KCNIP4: variants seen among roughly 807,000 people sequenced by gnomAD.
The protein encoded by KCNIP4 is potassium voltage-gated channel interacting protein 4.
A neutral mutation model predicts 34.0 loss-of-function variants in KCNIP4; 12 were observed. The observed-to-expected ratio is 0.35, with a 90% CI of 0.23 to 0.57. The LOEUF is 0.57. Among genes scored for constraint, KCNIP4 ranks in the 20% least tolerant of loss-of-function variants. The pLI is 0.83. For synonymous variants in KCNIP4, 124 were observed against 102.2 expected (o/e 1.21, Z -1.29); for missense variants, 238 against 311.7 (o/e 0.76, Z 1.78).
intron 1 of KCNIP4, among the ~76,000 whole-genome samples, chr4:20,953,508 C>G (rs1732994905): frequency 6.6e-6 from 1 of 151,964 alleles, no homozygotes; most frequent in Admixed American, 6.6e-5. Context: ...ATGGTGAAAT[C>G]CGATCTGTAC....
chr4:20,988,000 C>CAAAAAAA lies in KCNIP4; in HGVS notation c.62-105298_62-105292dup, dbSNP rs36044149. 2.8e-3 allele frequency among the ~76,000 whole-genome samples: 131 copies of CAAAAAAA among 46,312 alleles called. 15 individuals are homozygous for CAAAAAAA. Among genetic ancestry groups the CAAAAAAA allele is most frequent in the Middle Eastern group, 0.03 (2 of 66 alleles). The allele number at this position is 46,312 out of a possible 152,430, so 30.4% of individuals were successfully genotyped here. A position where few individuals can be genotyped will look rare whatever the true frequency, so the allele number is the denominator to read the frequency against. The stretch of plus-strand genomic sequence containing the variant: ...TGGGCGACACGGCGAGATTCCATCT[C>CAAAAAAA]AAAAAAAAAAAAAAAAAAAAAATTA... On this transcript the variant is annotated intron_variant, in intron 1 of 8. Transcript: ENST00000382152.
At chr4:20,753,541 G>C (rs143027653) in intron 4 of KCNIP4, among the ~76,000 whole-genome samples, 2,352 of 152,192 alleles carry the variant, frequency 0.015, 28 homozygotes, top group South Asian at 0.039. Context: ...CATGCCCCAG[G>C]TTTGTAGAAT....
chr4:21,122,232 T>A (rs1750224158), intron 1 of KCNIP4, among the ~76,000 whole-genome samples: 1 of 151,216 alleles, frequency 6.6e-6, no homozygotes, highest in South Asian at 2.1e-4. Context: ...CCCCAGGTAC[T>A]CAGGGTTAAA....
At chr4:21,037,236 A>G (rs982452265) in intron 1 of KCNIP4, among the ~76,000 whole-genome samples, 5 of 152,150 alleles carry the variant, frequency 3.3e-5, no homozygotes, top group African/African-American at 1.2e-4. Flanking sequence ...TGTCGCCAAA[A>G]TGTACAGTGT....
chr4:21,592,621 A>G (rs1233232986), intron 1 of KCNIP4, among the ~76,000 whole-genome samples: 1 of 152,082 alleles, frequency 6.6e-6, no homozygotes, highest in African/African-American at 2.4e-5. Flanking sequence ...CCTGAATCCA[A>G]CCCCATGATT....
chr4:21,023,135 G>C (rs144218460), intron 1 of KCNIP4, among the ~76,000 whole-genome samples: 280 of 152,154 alleles, frequency 1.8e-3, no homozygotes, highest in African/African-American at 6.5e-3. Flanking sequence ...ATTTGAATAA[G>C]AAAATGAATG....
intron 1 of KCNIP4, among the ~76,000 whole-genome samples, chr4:21,519,519 T>A (rs774973085): frequency 1.1e-4 from 7 of 62,150 alleles, no homozygotes; most frequent in Non-Finnish European, 2.3e-4. Context: ...TATATACACA[T>A]ATGTGTGTAT....
At chr4:21,846,852 T>C (rs571595413) in intron 1 of KCNIP4, 1 of 152,224 alleles carries the variant, frequency 6.6e-6, no homozygotes, top group East Asian at 1.9e-4. Flanking sequence ...ATACCTGTTT[T>C]TTCCATGTAC....
intron 1 of KCNIP4, among the ~76,000 whole-genome samples, chr4:21,714,786 A>ACT (rs778595133): frequency 0.019 from 880 of 46,234 alleles, 211 homozygotes; most frequent in African/African-American, 0.1. Context: ...TTTCCCTTTG[A>ACT]TTATTTTATT....
At chr4:21,702,598 AT>A (rs1712946684) in intron 1 of KCNIP4, among the ~76,000 whole-genome samples, 1 of 152,134 alleles carries the variant, frequency 6.6e-6, no homozygotes. Flanking sequence ...AGTAAATTTA[AT>A]TTACAATTTA....
At chr4:21,787,121 G>A (rs1383246848) in intron 1 of KCNIP4, among the ~76,000 whole-genome samples, 1 of 152,142 alleles carries the variant, frequency 6.6e-6, no homozygotes, top group Non-Finnish European at 1.5e-5. Context: ...CCACACATAA[G>A]TACCTAATAC....
chr4:21,494,859 A>G (rs1732728975), intron 1 of KCNIP4, among the ~76,000 whole-genome samples: 2 of 152,144 alleles, frequency 1.3e-5, no homozygotes, highest in African/African-American at 4.8e-5. Flanking sequence ...TGAATATGTC[A>G]AAATTACTAA....
At chr4:20,970,785 C>T (rs1193788935) in intron 1 of KCNIP4, among the ~76,000 whole-genome samples, 1 of 152,270 alleles carries the variant, frequency 6.6e-6, no homozygotes, top group Middle Eastern at 3.4e-3. Flanking sequence ...TTCTGAGTAG[C>T]CTATTGTATT....
intron 1 of KCNIP4, among the ~76,000 whole-genome samples, chr4:21,321,930 G>A (rs1714505819): frequency 1.5e-5 from 2 of 136,534 alleles, no homozygotes; most frequent in South Asian, 5.0e-4. Context: ...GGAAAAAGGT[G>A]GGAAGGAGGG....
chr4:21,440,399 T>C (rs769252988), intron 1 of KCNIP4, among the ~76,000 whole-genome samples: 3 of 152,242 alleles, frequency 2.0e-5, no homozygotes, highest in Non-Finnish European at 2.9e-5. Flanking sequence ...TGTCATCTAA[T>C]TGGAAGATTG....
rs1406126929 is a variant in KCNIP4 at position 20,729,946 on chromosome 4, A to ATATT, written c.*132_*135dup. 3 of 1,020,860 alleles carry ATATT rather than the reference A, an allele frequency of 2.9e-6. No homozygotes were observed. The African/African-American group carries it at 5.0e-5, about 17-fold the overall frequency. The allele number at this position is 1,020,860 out of a possible 1,614,324, so 63.2% of individuals were successfully genotyped here. A position where few individuals can be genotyped will look rare whatever the true frequency, so the allele number is the denominator to read the frequency against. On this transcript the variant is annotated 3_prime_UTR_variant, in exon 9 of 9. Transcript: ENST00000382152. ...GCTCAAATCTTTTGGGGATTGCTTT[A>ATATT]TATTAAAACAAAGCTTGTTTGCATA...
At chr4:21,255,921 C>A (rs1761032839) in intron 1 of KCNIP4, among the ~76,000 whole-genome samples, 1 of 152,062 alleles carries the variant, frequency 6.6e-6, no homozygotes, top group South Asian at 2.1e-4. Context: ...ATATGTCAAG[C>A]AGTTATCCAG....
chr4:20,758,429 C>G (rs948206367), intron 4 of KCNIP4, among the ~76,000 whole-genome samples: 10 of 152,098 alleles, frequency 6.6e-5, no homozygotes, highest in African/African-American at 9.7e-5. Flanking sequence ...CTCCAATCCC[C>G]AGATTTCATA....
At chr4:21,273,602 A>C (rs2109141836) in intron 1 of KCNIP4, among the ~76,000 whole-genome samples, 1 of 152,240 alleles carries the variant, frequency 6.6e-6, no homozygotes, top group East Asian at 1.9e-4. Flanking sequence ...TATTCATAAC[A>C]TTTCCTCAAT....
Sources: gnomAD v4.1 joint callset for allele counts (sites outside exome capture counted in the v4.1 genomes callset) on GRCh38, gnomAD v4.1.1 for gene constraint, MANE v1.5 for transcripts, NCBI Gene and HGNC (gene_info 2026-07-23, HGNC 2026-07-21) for gene names.